CRACD: variants seen among roughly 807,000 people sequenced by gnomAD.
CRACD encodes the protein capping protein inhibiting regulator of actin dynamics, also known as capping protein-inhibiting regulator of actin dynamics.
Under a neutral mutation model 106.8 loss-of-function variants are expected in CRACD, and 56 were observed. The ratio of observed to expected loss-of-function variants is 0.52; its 90% CI spans 0.42 to 0.66. The LOEUF is 0.66. CRACD is among the 30% of genes least tolerant of loss of function. CRACD has a pLI of 0.00. For missense variants in CRACD, 1,730 were observed against 1,623.2 expected, an observed-to-expected ratio of 1.07 and a Z score of -1.13; for synonymous variants, 754 against 670.8, an observed-to-expected ratio of 1.12 and a Z score of -1.92.
intron 3 of CRACD, among the ~76,000 whole-genome samples, chr4:56,286,418 C>T (rs1055057055): frequency 4.1e-5 from 6 of 146,734 alleles, no homozygotes; most frequent in South Asian, 2.1e-4. Context: ...ACAAAAAACT[C>T]GGGAGGCCGA....
chr4:56,072,780 C>T (rs1269602372), intron 1 of CRACD, among the ~76,000 whole-genome samples: 2 of 152,026 alleles, frequency 1.3e-5, no homozygotes, highest in Non-Finnish European at 2.9e-5. Context: ...GACAGGCCCC[C>T]GTGTATGATG....
At chr4:56,277,236 C>T (rs921751762) in intron 3 of CRACD, among the ~76,000 whole-genome samples, 7 of 152,040 alleles carry the variant, frequency 4.6e-5, no homozygotes, top group African/African-American at 1.7e-4. Flanking sequence ...CACAAAAATC[C>T]TTAAGAAAAA....
intron 1 of CRACD, among the ~76,000 whole-genome samples, chr4:56,169,281 A>G (rs1736267455): frequency 6.6e-6 from 1 of 152,242 alleles, no homozygotes; most frequent in Non-Finnish European, 1.5e-5. Flanking sequence ...ATGGAAGGCC[A>G]TATGGTTACA....
chr4:56,068,542 G>A (rs1732534021), intron 1 of CRACD, among the ~76,000 whole-genome samples: 1 of 152,114 alleles, frequency 6.6e-6, no homozygotes, highest in Non-Finnish European at 1.5e-5. Flanking sequence ...TGGACTTTAG[G>A]GGAAGGAGTA....
intron 2 of CRACD, among the ~76,000 whole-genome samples, chr4:56,239,783 C>T (rs1206205498): frequency 6.6e-6 from 1 of 152,172 alleles, no homozygotes; most frequent in East Asian, 1.9e-4. Flanking sequence ...GGGACCCCCG[C>T]TCCCACCCCC....
chr4:56,316,230 C>T lies in CRACD; in HGVS notation c.2728C>T (p.Arg910Trp), dbSNP rs1003914517. Reference protein sequence around the residue: ...LKHGPSLPQERKQAPSTRRDS... With the variant: ...LKHGPSLPQEWKQAPSTRRDS... ...GCATGGTCCATCCCTCCCCCAAGAG[C>T]GGAAGCAAGCCCCTTCCACCCGGAG... Residue 910 changes from arginine to tryptophan, a missense_variant, in exon 8 of 11, where the codon CGG becomes TGG. Arg to Trp is a moderately radical substitution (Grantham distance 101). This residue lies in a region of CRACD where 1,620 missense variants were observed against 1,481.6 expected (regional missense o/e 1.09). Transcript: ENST00000682029. 1 of 1,613,964 alleles carries T rather than the reference C, an allele frequency of 6.2e-7. No homozygotes were observed. Among genetic ancestry groups the T allele is most frequent in the South Asian group, 1.1e-5 (1 of 91,080 alleles).
intron 1 of CRACD, among the ~76,000 whole-genome samples, chr4:56,176,979 A>G (rs777881228): frequency 6.6e-6 from 1 of 152,160 alleles, no homozygotes; most frequent in Non-Finnish European, 1.5e-5. Flanking sequence ...AGATTTTTCT[A>G]AATGTAAGAT....
chr4:56,211,533 T>G (rs190357640), intron 2 of CRACD, among the ~76,000 whole-genome samples: 2 of 152,322 alleles, frequency 1.3e-5, no homozygotes, highest in East Asian at 3.9e-4. Context: ...GAGTATACGC[T>G]GACAATTGAA....
chr4:56,084,305 T>C (rs7685766), intron 1 of CRACD, among the ~76,000 whole-genome samples: 62,039 of 151,968 alleles, frequency 0.41, 14,628 homozygotes, highest in African/African-American at 0.66. Flanking sequence ...TCTTCCTTCC[T>C]GCCTTCTCTT....
Position 56,328,431 on chromosome 4 carries a change from CTGTGGATTCATAG to C in CRACD, c.*633_*645del, listed in dbSNP as rs1326801828. ...CACATCCATTCACATTTTTACCGCA[CTGTGGATTCATAG>C]TGTGGGGCCCTGTTATTCCAATACC... On this transcript the variant is annotated 3_prime_UTR_variant, in exon 11 of 11. Coordinates refer to ENST00000682029, the MANE Select transcript of CRACD (RefSeq NM_001393381.1). 1.0e-4 allele frequency: 52 copies of C among 518,064 alleles called. No homozygotes were observed. The highest frequency in any genetic ancestry group is 2.3e-5 in the Non-Finnish European group (6 of 259,506). 32.1% of individuals were successfully genotyped at this position (518,064 alleles called of 1,614,324 possible). A position where few individuals can be genotyped will look rare whatever the true frequency, so the allele number is the denominator to read the frequency against.
In CRACD at chr4:56,197,507, C is replaced by G. The variant is rs73158787; in HGVS notation, c.-189+18077C>G. 9.3e-4 allele frequency among the ~76,000 whole-genome samples: 141 copies of G among 152,246 alleles called. 1 individual carries two copies. Among genetic ancestry groups the G allele is most frequent in the African/African-American group, 3.2e-3 (133 of 41,542 alleles). The stretch of plus-strand genomic sequence containing the variant: ...AACACCAAACTTCTCTTTCTTCCCT[C>G]CCTCTTTCCCCCACATCACCAACAC... On this transcript the variant is annotated intron_variant, in intron 2 of 10. Coordinates refer to ENST00000682029, the MANE Select transcript of CRACD (RefSeq NM_001393381.1).
intron 2 of CRACD, among the ~76,000 whole-genome samples, chr4:56,200,391 C>T (rs2109472538): frequency 6.6e-6 from 1 of 152,274 alleles, no homozygotes; most frequent in African/African-American, 2.4e-5. Context: ...TATGCTTTCT[C>T]TCTCAATATT....
intron 1 of CRACD, among the ~76,000 whole-genome samples, chr4:56,142,992 T>C (rs1274443329): frequency 6.6e-6 from 1 of 151,760 alleles, no homozygotes; most frequent in Non-Finnish European, 1.5e-5. Flanking sequence ...TTGATTTTTC[T>C]CTTTCAAATT....
At chr4:56,215,201 G>A (rs1040391211) in intron 2 of CRACD, among the ~76,000 whole-genome samples, 2 of 152,024 alleles carry the variant, frequency 1.3e-5, no homozygotes, top group Non-Finnish European at 2.9e-5. Context: ...AAATGTTTTT[G>A]TAGAGATGGG....
At chr4:56,225,584 C>G (rs1023336474) in intron 2 of CRACD, among the ~76,000 whole-genome samples, 1 of 152,036 alleles carries the variant, frequency 6.6e-6, no homozygotes, top group African/African-American at 2.4e-5. Flanking sequence ...CCCAAGTACC[C>G]CTTATTCTTT....
At chr4:56,184,416 C>T (rs1222478674) in intron 2 of CRACD, among the ~76,000 whole-genome samples, 20 of 152,094 alleles carry the variant, frequency 1.3e-4, no homozygotes, top group Non-Finnish European at 2.9e-5. Flanking sequence ...ATAGCAAGGT[C>T]ATCATATTCT....
chr4:56,083,851 T>C (rs1733122936), intron 1 of CRACD, among the ~76,000 whole-genome samples: 2 of 151,948 alleles, frequency 1.3e-5, no homozygotes, highest in Admixed American at 1.3e-4. Context: ...GTGGTGCACA[T>C]CTGTAGTCCC....
intron 1 of CRACD, among the ~76,000 whole-genome samples, chr4:56,098,513 T>G (rs1359164985): frequency 6.6e-6 from 1 of 152,224 alleles, no homozygotes; most frequent in East Asian, 1.9e-4. Context: ...AAGGTTTTTC[T>G]GATGTACTCT....
intron 2 of CRACD, among the ~76,000 whole-genome samples, chr4:56,215,443 T>C (rs1738627614): frequency 6.6e-6 from 1 of 152,264 alleles, no homozygotes; most frequent in Admixed American, 6.5e-5. Context: ...AGCATATTAA[T>C]GCTGGGGCAA....
Sources: allele counts gnomAD v4.1 joint callset (sites outside exome capture counted in the v4.1 genomes callset), GRCh38; gene constraint gnomAD v4.1.1; regional missense constraint gnomAD v4.1.1; transcripts MANE v1.5; gene names NCBI Gene and HGNC (gene_info 2026-07-23, HGNC 2026-07-21).